PTPRM: variants seen among roughly 807,000 people sequenced by gnomAD.
PTPRM encodes the protein receptor-type tyrosine-protein phosphatase mu.
A neutral mutation model predicts 186.7 loss-of-function variants in PTPRM; 47 were observed. That is an observed-to-expected ratio of 0.25 (90% confidence interval 0.20 to 0.32). The LOEUF (loss-of-function observed/expected upper bound fraction) is 0.32. PTPRM is among the 10% of genes least tolerant of loss of function. The probability of loss-of-function intolerance (pLI) is 1.00; values close to 1 mark genes in which losing one functional copy is unlikely to be tolerated. For missense variants in PTPRM, 1,494 were observed against 1,865.0 expected, an observed-to-expected ratio of 0.80 and a Z score of 3.66; for synonymous variants, 668 against 674.9, an observed-to-expected ratio of 0.99 and a Z score of 0.16.
At chr18:7,918,737 C>T (rs1442316774) in intron 4 of PTPRM, among the ~76,000 whole-genome samples, 1 of 152,152 alleles carries the variant, frequency 6.6e-6, no homozygotes, top group Non-Finnish European at 1.5e-5. Flanking sequence ...TATTTTCTCC[C>T]ATTCCATGGG....
chr18:7,600,420 C>A (rs2037372069), intron 1 of PTPRM, among the ~76,000 whole-genome samples: 1 of 152,208 alleles, frequency 6.6e-6, no homozygotes, highest in Non-Finnish European at 1.5e-5. Flanking sequence ...AAATCCAGCA[C>A]ATAACACACC....
rs932321678 is a variant in PTPRM at position 7,568,380 on chromosome 18, C to G, written c.73+489C>G. Among the ~76,000 whole-genome samples, 1 of 151,802 alleles carries G rather than the reference C, an allele frequency of 6.6e-6. No individual in the cohort carries two copies. The highest frequency in any genetic ancestry group is 2.4e-5 in the African/African-American group (1 of 41,398). ...CGATCGCCGGGAACTGGCGGCCGCT[C>G]CGGCGGCGGCGATCTCCCGGTGCCC... On this transcript the variant is annotated intron_variant, in intron 1 of 32. Coordinates refer to ENST00000580170, the MANE Select transcript of PTPRM (RefSeq NM_001105244.2). This position sits in a 1 kb window ranked among gnomAD's most constrained non-coding sequence, Gnocchi z 5.1.
rs536762512 is a variant in PTPRM at position 8,294,824 on chromosome 18, T to C, written c.2755-1544T>C. On this transcript the variant is annotated intron_variant, in intron 19 of 32. Transcript: ENST00000580170. ...TAGTGTTATTTTTTTCAGTCTTCTG[T>C]GTTGTGTTTTAAAATGGTGTTGCTC... Among the ~76,000 whole-genome samples, 8 of 152,290 alleles carry C rather than the reference T, an allele frequency of 5.3e-5. No homozygotes were observed. The South Asian group carries it at 6.2e-4, about 12-fold the overall frequency.
Position 8,076,550 on chromosome 18 carries a change from A to G in PTPRM, c.1537A>G (p.Ile513Val), listed in dbSNP as rs1324119163. The change falls in exon 9 of 33, where the codon ATC (isoleucine) becomes GTC (valine). Residue 513 changes from isoleucine to valine, a missense_variant. Around this residue, in one of 3 missense-constraint regions of PTPRM, gnomAD observed 1,107 missense variants for 1,350.2 expected, o/e 0.82. Coordinates refer to ENST00000580170, the MANE Select transcript of PTPRM (RefSeq NM_001105244.2). ...WREPTQTYGV[I>V]TLYEITYKAV... ...AGAACCAACTCAAACATATGGTGTA[A>G]TCACTTTATATGAGGTAATATATAT... The G allele has an allele frequency of 2.6e-6, 4 of 1,531,758 alleles. No homozygotes were observed. Among genetic ancestry groups the G allele is most frequent in the Admixed American group, 1.7e-5 (1 of 59,194 alleles). 94.9% of individuals were successfully genotyped at this position (1,531,758 alleles called of 1,614,324 possible). A position where few individuals can be genotyped will look rare whatever the true frequency, so the allele number is the denominator to read the frequency against.
At chr18:7,995,317 A>T (rs527424855) in intron 7 of PTPRM, among the ~76,000 whole-genome samples, 6 of 152,298 alleles carry the variant, frequency 3.9e-5, no homozygotes, top group African/African-American at 1.4e-4. Context: ...CCAGGATCAG[A>T]TGGCTTTACC....
At chr18:8,364,200 A>T (rs2095613777) in intron 23 of PTPRM, among the ~76,000 whole-genome samples, 1 of 152,224 alleles carries the variant, frequency 6.6e-6, no homozygotes, top group Non-Finnish European at 1.5e-5. Context: ...TAAGCCAGGT[A>T]CTTAATCAGC....
At chr18:8,400,216 C>A (rs2095864868) in intron 32 of PTPRM, among the ~76,000 whole-genome samples, 1 of 152,166 alleles carries the variant, frequency 6.6e-6, no homozygotes, top group African/African-American at 2.4e-5. Flanking sequence ...GCCTGGTTGC[C>A]CACTGAAGTC....
At chr18:7,989,195 A>ATT (rs56288638) in intron 7 of PTPRM, among the ~76,000 whole-genome samples, 29 of 147,908 alleles carry the variant, frequency 2.0e-4, no homozygotes, top group Non-Finnish European at 1.1e-4. Flanking sequence ...GGTGTGGCTA[A>ATT]TTTTTTTTTT....
At chr18:7,729,607 T>G (rs1162120278) in intron 1 of PTPRM, among the ~76,000 whole-genome samples, 8 of 152,228 alleles carry the variant, frequency 5.3e-5, no homozygotes, top group Non-Finnish European at 1.2e-4. Flanking sequence ...AACATTCATT[T>G]AAGTAGAGCA....
chr18:7,949,094 A>G (rs777247922), intron 5 of PTPRM, 87 bp from the exon 6 acceptor site: 37 of 1,287,380 alleles, frequency 2.9e-5, no homozygotes, highest in Admixed American at 4.2e-5. Flanking sequence ...TGAAAACAGC[A>G]TGGATAATAT....
At chr18:7,627,019 T>C (rs987040292) in intron 1 of PTPRM, among the ~76,000 whole-genome samples, 2 of 152,100 alleles carry the variant, frequency 1.3e-5, no homozygotes, top group African/African-American at 4.8e-5. Context: ...TATCCCCCTC[T>C]GCAGGTGGCT....
intron 19 of PTPRM, among the ~76,000 whole-genome samples, chr18:8,275,277 A>T (rs1347457094): frequency 6.6e-6 from 1 of 152,094 alleles, no homozygotes; most frequent in Non-Finnish European, 1.5e-5. Context: ...CGTCTCCAAA[A>T]AAAAGAAAAA....
chr18:8,379,455 C>CT, intron 28 of PTPRM, 115 bp downstream of exon 28: 27 of 1,103,960 alleles, frequency 2.4e-5, no homozygotes, highest in South Asian at 6.5e-5. Context: ...AAGACACAAA[C>CT]TTTTTTTTCC....
At chr18:8,294,220 C>G (rs1026369794) in intron 19 of PTPRM, among the ~76,000 whole-genome samples, 5 of 152,096 alleles carry the variant, frequency 3.3e-5, no homozygotes, top group African/African-American at 4.8e-5. Context: ...CCACTGCACT[C>G]TAGCCTGGGT....
intron 2 of PTPRM, among the ~76,000 whole-genome samples, chr18:7,847,674 A>G (rs1180028607): frequency 2.0e-5 from 3 of 152,174 alleles, no homozygotes; most frequent in Non-Finnish European, 4.4e-5. Flanking sequence ...TGACAGGCTC[A>G]AGCTTATCCC....
At chr18:7,697,868 A>G (rs1326760766) in intron 1 of PTPRM, among the ~76,000 whole-genome samples, 2 of 152,172 alleles carry the variant, frequency 1.3e-5, no homozygotes, top group Non-Finnish European at 2.9e-5. Flanking sequence ...GATACAATGG[A>G]AAAGAAAGTG....
chr18:8,200,662 G>A (rs1322595964), intron 14 of PTPRM, among the ~76,000 whole-genome samples: 1 of 152,210 alleles, frequency 6.6e-6, no homozygotes, highest in Non-Finnish European at 1.5e-5. Flanking sequence ...GCAAGTTGTA[G>A]TCTTTTATTT....
intron 11 of PTPRM, among the ~76,000 whole-genome samples, chr18:8,089,825 C>T (rs908709229): frequency 3.3e-5 from 5 of 151,972 alleles, no homozygotes; most frequent in Middle Eastern, 3.2e-3. Context: ...ATGGAGGTTT[C>T]GGTTCATAAA....
At chr18:7,651,950 T>C (rs2038716490) in intron 1 of PTPRM, among the ~76,000 whole-genome samples, 1 of 151,866 alleles carries the variant, frequency 6.6e-6, no homozygotes, top group Admixed American at 6.6e-5. Flanking sequence ...GAAACTACCA[T>C]CAGAGTGAAC....
Sources: allele counts gnomAD v4.1 joint callset (sites outside exome capture counted in the v4.1 genomes callset), GRCh38; gene constraint gnomAD v4.1.1; regional missense constraint gnomAD v4.1.1; non-coding constraint Gnocchi (gnomAD v3.1); transcripts MANE v1.5; gene names NCBI Gene and HGNC (gene_info 2026-07-23, HGNC 2026-07-21).